The following WWOX variants were observed in gnomAD, a reference collection of about 807,000 sequenced individuals.
WWOX encodes WW domain containing oxidoreductase.
WWOX carries 69 observed loss-of-function variants against 46.2 expected under a neutral mutation model. The observed-to-expected ratio is 1.49, with a 90% CI of 1.23 to 1.82. The LOEUF (loss-of-function observed/expected upper bound fraction) is 1.82. WWOX is among the 40% of genes most tolerant of loss of function. The pLI is 0.00. For missense variants in WWOX, 919 were observed against 542.6 expected (o/e 1.69, Z -6.89); for synonymous variants, 359 against 202.6 (o/e 1.77, Z -6.56).
chr16:78,817,715 C>T (rs2051375777), intron 8 of WWOX, among the ~76,000 whole-genome samples: 1 of 152,138 alleles, frequency 6.6e-6, no homozygotes, highest in Non-Finnish European at 1.5e-5. Context: ...TGGCTTCCTC[C>T]TAAAATTCCC....
At chr16:78,389,782 G>A (rs540356605) in intron 6 of WWOX, among the ~76,000 whole-genome samples, 28 of 152,164 alleles carry the variant, frequency 1.8e-4, no homozygotes, top group Middle Eastern at 6.8e-3. Context: ...ACAGGGTCTC[G>A]CTGTGTTGCC....
At chr16:78,383,803 G>A (rs555841334) in intron 5 of WWOX, among the ~76,000 whole-genome samples, 3 of 152,256 alleles carry the variant, frequency 2.0e-5, no homozygotes, top group Non-Finnish European at 4.4e-5. Flanking sequence ...AGAATTGCCT[G>A]AATAACAGTG....
At chr16:78,758,131 A>T (rs1172938056) in intron 8 of WWOX, among the ~76,000 whole-genome samples, 1 of 152,218 alleles carries the variant, frequency 6.6e-6, no homozygotes, top group Non-Finnish European at 1.5e-5. Flanking sequence ...AGATTCATTA[A>T]CTTTGTTTTA....
intron 8 of WWOX, among the ~76,000 whole-genome samples, chr16:78,633,748 T>G (rs991151415): frequency 6.6e-6 from 1 of 152,246 alleles, no homozygotes; most frequent in African/African-American, 2.4e-5. Context: ...CTCCGACTTA[T>G]GTATGATTCA....
At chr16:78,663,070 A>C (rs1009972317) in intron 8 of WWOX, among the ~76,000 whole-genome samples, 6 of 152,186 alleles carry the variant, frequency 3.9e-5, no homozygotes, top group Non-Finnish European at 8.8e-5. Context: ...GTATAGTCAC[A>C]AACTTGTGCA....
chr16:78,486,113 C>T (rs74030527), intron 8 of WWOX, among the ~76,000 whole-genome samples: 3,145 of 152,154 alleles, frequency 0.021, 88 homozygotes, highest in African/African-American at 0.064. Flanking sequence ...GGTGGTATGC[C>T]GGTAAGTGTT....
At chr16:78,711,951 G>C (rs899795889) in intron 8 of WWOX, among the ~76,000 whole-genome samples, 15 of 152,192 alleles carry the variant, frequency 9.9e-5, no homozygotes, top group African/African-American at 3.6e-4. Context: ...ATCTCTTTCA[G>C]GAGCTTCCCT....
chr16:78,949,195 A>G (rs2046008461), intron 8 of WWOX, among the ~76,000 whole-genome samples: 1 of 152,214 alleles, frequency 6.6e-6, no homozygotes. Context: ...AGAAGAGCCC[A>G]GGCTGGCTGA....
intron 4 of WWOX, among the ~76,000 whole-genome samples, chr16:78,137,918 A>G (rs778735174): frequency 1.3e-5 from 2 of 150,860 alleles, no homozygotes; most frequent in Non-Finnish European, 3.0e-5. Flanking sequence ...AATCTTATCC[A>G]TAGTGTGTGG....
At chr16:78,631,622 T>G (rs948570997) in intron 8 of WWOX, among the ~76,000 whole-genome samples, 4 of 151,354 alleles carry the variant, frequency 2.6e-5, no homozygotes, top group African/African-American at 9.7e-5. Flanking sequence ...CACTGCAGCT[T>G]CCTCCTCCCA....
chr16:78,557,108 T>C (rs1299946754), intron 8 of WWOX, among the ~76,000 whole-genome samples: 2 of 152,184 alleles, frequency 1.3e-5, no homozygotes, highest in Non-Finnish European at 2.9e-5. Flanking sequence ...GGAAGGATGA[T>C]TGTGAGAAGT....
chr16:78,390,212 C>T (rs1446549706), intron 6 of WWOX, among the ~76,000 whole-genome samples: 1 of 152,218 alleles, frequency 6.6e-6, no homozygotes, highest in Non-Finnish European at 1.5e-5. Flanking sequence ...ATAACTTTGT[C>T]CAGTTCCTCT....
In WWOX at chr16:78,493,914, A is replaced by C. The variant is rs190263359; in HGVS notation, c.1056+61162A>C. Among the ~76,000 whole-genome samples, 83 of 152,330 alleles carry C rather than the reference A, an allele frequency of 5.4e-4. 1 individual carries two copies. Among genetic ancestry groups the C allele is most frequent in the African/African-American group, 1.9e-3 (77 of 41,578 alleles). ...GTAATACTTCCCTACTAGGTAGAGC[A>C]ATGATTCCAGAAGTTTATAATAATT... On this transcript the variant is annotated intron_variant, in intron 8 of 8. Coordinates refer to ENST00000566780, the MANE Select transcript of WWOX (RefSeq NM_016373.4).
intron 8 of WWOX, among the ~76,000 whole-genome samples, chr16:78,923,382 A>G (rs2045424390): frequency 6.6e-6 from 1 of 152,176 alleles, no homozygotes; most frequent in East Asian, 1.9e-4. Flanking sequence ...AGATCATTCT[A>G]AAAATAGAGC....
At chr16:78,441,369 G>T (rs1432560296) in intron 8 of WWOX, among the ~76,000 whole-genome samples, 1 of 152,332 alleles carries the variant, frequency 6.6e-6, no homozygotes, top group Middle Eastern at 3.4e-3. Context: ...GAATCAGTGA[G>T]AGTCCTTAAT....
intron 8 of WWOX, among the ~76,000 whole-genome samples, chr16:78,670,881 G>A (rs185822787): frequency 6.6e-6 from 1 of 151,914 alleles, no homozygotes; most frequent in African/African-American, 2.4e-5. Context: ...CTGGTTTAGG[G>A]TGGGCCCTAC....
At chr16:78,887,077 G>GGTGTGTGTGTGTGTGT (rs749992495) in intron 8 of WWOX, among the ~76,000 whole-genome samples, 1 of 61,312 alleles carries the variant, frequency 1.6e-5, no homozygotes, top group African/African-American at 4.6e-5. Flanking sequence ...GTGTGTGTGT[G>GGTGTGTGTGTGTGTGT]GTGTGTGTGT....
chr16:78,718,475 C>A (rs954680141), intron 8 of WWOX, among the ~76,000 whole-genome samples: 1 of 152,014 alleles, frequency 6.6e-6, no homozygotes, highest in African/African-American at 2.4e-5. Flanking sequence ...GTTCTCTTTC[C>A]CATATTTGAG....
intron 8 of WWOX, among the ~76,000 whole-genome samples, chr16:78,468,402 A>G (rs1425106279): frequency 6.6e-6 from 1 of 152,022 alleles, no homozygotes; most frequent in Non-Finnish European, 1.5e-5. Flanking sequence ...CAACGGCAAA[A>G]AAGAGAATTG....
Sources: allele counts gnomAD v4.1 joint callset (sites outside exome capture counted in the v4.1 genomes callset), GRCh38; gene constraint gnomAD v4.1.1; transcripts MANE v1.5; gene names NCBI Gene and HGNC (gene_info 2026-07-23, HGNC 2026-07-21).